Variants in VWDE observed in about 807,000 individuals in gnomAD.
VWDE encodes von Willebrand factor D and EGF domain-containing protein.
VWDE carries 207 observed loss-of-function variants against 178.4 expected under a neutral mutation model. The observed-to-expected ratio is 1.16, with a 90% confidence interval of 1.04 to 1.30. The LOEUF (loss-of-function observed/expected upper bound fraction) is 1.30. Among genes scored for constraint, VWDE ranks in the 50% most tolerant of loss-of-function variants. VWDE has a pLI of 0.00. For synonymous variants in VWDE, 738 were observed against 651.4 expected (o/e 1.13, Z -2.02); for missense variants, 2,287 against 1,901.3 (o/e 1.20, Z -3.77).
At chr7:12,383,197 C>T (rs1369456019) in intron 4 of VWDE, among the ~76,000 whole-genome samples, 1 of 151,954 alleles carries the variant, frequency 6.6e-6, no homozygotes, top group Non-Finnish European at 1.5e-5. Flanking sequence ...ATATTGTGTT[C>T]GCACACTTCC....
intron 19 of VWDE, among the ~76,000 whole-genome samples, chr7:12,345,784 C>A (rs1416748876): frequency 6.6e-6 from 1 of 152,088 alleles, no homozygotes; most frequent in African/African-American, 2.4e-5. Flanking sequence ...TGTTCAATAT[C>A]TGATATCTGA....
rs1562493146 is a variant in VWDE, at chr7:12,369,619, C to A, written c.2687G>T (p.Gly896Val). The A allele has an allele frequency of 6.4e-7, 1 of 1,551,466 alleles. No individual in the cohort carries two copies. The highest frequency in any genetic ancestry group is 8.7e-7 in the Non-Finnish European group (1 of 1,146,810). ...CCCCCATTCCATGCACTGCCCATTG[C>A]CGCTGCATAAATTGGGGCATTTTAA... ...SVLKCPNLCS[G>V]NGQCMEWGCA... The change falls in exon 12 of 29, where the codon GGC (glycine) becomes GTC (valine). Residue 896 changes from glycine (G) to valine (V), a missense_variant. Gly to Val is a moderately radical substitution (Grantham distance 109). Coordinates refer to ENST00000275358, the MANE Select transcript of VWDE (RefSeq NM_001135924.3).
At chr7:12,401,013 T>G (rs1784869512) in intron 1 of VWDE, among the ~76,000 whole-genome samples, 1 of 152,234 alleles carries the variant, frequency 6.6e-6, no homozygotes, top group African/African-American at 2.4e-5. Flanking sequence ...TCCAACACCT[T>G]TTCATGATAA....
chr7:12,343,354 CACTT>C (rs1156687213), intron 21 of VWDE, among the ~76,000 whole-genome samples, 176 bp from the exon 22 acceptor site: 1 of 152,162 alleles, frequency 6.6e-6, no homozygotes, highest in Non-Finnish European at 1.5e-5. Flanking sequence ...ACACTGGAAA[CACTT>C]ACAAATCAAC....
At position 12,355,564 on chromosome 7, in the gene VWDE, C is replaced by T. The variant is rs192980865; in HGVS notation, c.3745+547G>A. ...TTAATATTTACATCTATTAAATGTACAGAAAATATTCATATGAGTTTTTAA... is the reference window on the plus strand; with the variant it reads ...TTAATATTTACATCTATTAAATGTATAGAAAATATTCATATGAGTTTTTAA... On this transcript the variant is annotated intron_variant, in intron 18 of 28. Transcript: ENST00000275358. 5.8e-3 allele frequency among the ~76,000 whole-genome samples: 887 copies of T among 152,108 alleles called. 3 individuals are homozygous for T. Among genetic ancestry groups the T allele is most frequent in the Non-Finnish European group, 9.1e-3 (622 of 67,996 alleles).
chr7:12,334,399 A>C (rs10228123), intron 27 of VWDE, among the ~76,000 whole-genome samples: 42,629 of 152,014 alleles, frequency 0.28, 7,956 homozygotes, highest in African/African-American at 0.54. Flanking sequence ...CACATACTTG[A>C]AGCTTACACA....
chr7:12,382,230 G>C lies in VWDE; in HGVS notation c.541+1306C>G, dbSNP rs144871921. ...AATGTTCTAAAGAGCATAATAAGTA[G>C]GTGAAATTTATTATTTATTCAAGAG... On this transcript the variant is annotated intron_variant, in intron 4 of 28. Coordinates refer to ENST00000275358, the MANE Select transcript of VWDE (RefSeq NM_001135924.3). Among the ~76,000 whole-genome samples the C allele has an allele frequency of 2.3e-3, 349 of 151,430 alleles. 10 individuals carry two copies. In the East Asian group the frequency reaches 0.054, roughly 23 times the overall value.
rs1174074873 is a variant in VWDE, at chr7:12,357,289, A to C, written c.3501T>G (p.Asp1167Glu). ...QITVRLNDDCDAETRVTIEVT... is the reference protein window; with the variant it reads ...QITVRLNDDCEAETRVTIEVT... ...CCTCAATCGTGACTCTAGTTTCAGCATCGCAGTCATCATTAAGGCGTACAG... is the reference window on the plus strand; with the variant it reads ...CCTCAATCGTGACTCTAGTTTCAGCCTCGCAGTCATCATTAAGGCGTACAG... Residue 1167 changes from aspartate (D) to glutamate (E), a missense_variant, in exon 17 of 29, where the codon GAT becomes GAG. Transcript: ENST00000275358. 6.4e-7 allele frequency: 1 copy of C among 1,552,208 alleles called. No individual in the cohort carries two copies. Among genetic ancestry groups the C allele is most frequent in the Non-Finnish European group, 8.7e-7 (1 of 1,147,136 alleles).
chr7:12,367,596 T>TTTTAGGTATAC, intron 12 of VWDE, 103 bp from the exon 13 acceptor site: 1 of 989,970 alleles, frequency 1.0e-6, no homozygotes, highest in Non-Finnish European at 1.4e-6. Flanking sequence ...GAAAATAATA[T>TTTTAGGTATAC]TTTAAAGTAT....
At chr7:12,388,921 C>G (rs890655402) in intron 3 of VWDE, 1 of 703,400 alleles carries the variant, frequency 1.4e-6, no homozygotes, top group African/African-American at 1.8e-5. Context: ...TTGATGCTTT[C>G]ACGTGTGGGG....
intron 24 of VWDE, among the ~76,000 whole-genome samples, chr7:12,339,975 C>T (rs73292390): frequency 0.016 from 2,371 of 152,128 alleles, 54 homozygotes; most frequent in African/African-American, 0.054. Flanking sequence ...AGTAGATTGA[C>T]CATAAATCAA....
At chr7:12,387,915 A>G (rs972374987) in intron 3 of VWDE, among the ~76,000 whole-genome samples, 1 of 152,176 alleles carries the variant, frequency 6.6e-6, no homozygotes, top group Non-Finnish European at 1.5e-5. Flanking sequence ...GAGAATTTGC[A>G]CTTATCAATC....
At chr7:12,344,932 C>A (rs1002873377) in intron 19 of VWDE, among the ~76,000 whole-genome samples, 1 of 151,856 alleles carries the variant, frequency 6.6e-6, no homozygotes, top group Non-Finnish European at 1.5e-5. Context: ...AGAATACAGA[C>A]CACAATGTTA....
At chr7:12,390,593 T>C (rs995094968) in intron 2 of VWDE, among the ~76,000 whole-genome samples, 8 of 151,620 alleles carry the variant, frequency 5.3e-5, no homozygotes, top group Middle Eastern at 3.5e-3. Context: ...TATATGTAAA[T>C]AGTACTATAT....
intron 7 of VWDE, among the ~76,000 whole-genome samples, chr7:12,376,332 A>C (rs1018429688): frequency 6.6e-6 from 1 of 152,112 alleles, no homozygotes; most frequent in Non-Finnish European, 1.5e-5. Flanking sequence ...GTAAAGATTT[A>C]ATGCTACTGT....
At chr7:12,394,583 A>G (rs994455368) in intron 1 of VWDE, among the ~76,000 whole-genome samples, 1 of 152,172 alleles carries the variant, frequency 6.6e-6, no homozygotes, top group African/African-American at 2.4e-5. Context: ...TGAAACAGTT[A>G]TCCTAAAATG....
intron 19 of VWDE, among the ~76,000 whole-genome samples, chr7:12,346,456 G>C (rs1031572994): frequency 6.6e-6 from 1 of 152,034 alleles, no homozygotes; most frequent in African/African-American, 2.4e-5. Flanking sequence ...GGAACTAAAT[G>C]TATAAGCAAA....
rs1186209063 is a variant in VWDE at position 12,356,206 on chromosome 7, A to C, written c.3650T>G (p.Val1217Gly). 6.4e-7 allele frequency: 1 copy of C among 1,551,454 alleles called. No individual in the cohort carries two copies. The highest frequency in any genetic ancestry group is 8.7e-7 in the Non-Finnish European group (1 of 1,146,964). The change falls in exon 18 of 29, where the codon GTG becomes GGG. Residue 1217 changes from valine to glycine, a missense_variant. Val to Gly is a moderately radical substitution (Grantham distance 109, BLOSUM62 -3). Transcript: ENST00000275358. ...LPGFHGSLCE[V>G]DISGCQSNPC... is the part of the protein sequence containing the mutation. ...GTTGGATTGGCACCCACTAATGTCC[A>C]CTTCACAAAGGCTGCCATGGAAGCC...
rs143753764 is a variant in VWDE, at chr7:12,369,899, C to A, written c.2407G>T (p.Glu803Ter). Residue 803 changes from glutamate (E) to a stop codon, truncating the protein, a stop_gained, in exon 12 of 29, where the codon GAG (glutamate) becomes TAG (stop). Coordinates refer to ENST00000275358, the MANE Select transcript of VWDE (RefSeq NM_001135924.3). LOFTEE classifies it high-confidence loss of function. ...TGACAGAGGGTCAAGGTGCTATACT[C>A]GGTGAGGCCAGAGGGAGTGGGCCAA... is the stretch of plus-strand genomic sequence containing the variant. ...PSWPTPSGLTEYSTLTLCQET... is the reference protein window; with the variant it reads ...PSWPTPSGLT The A allele has an allele frequency of 1.2e-5, 19 of 1,551,426 alleles. No individual in the cohort carries two copies. Among genetic ancestry groups the A allele is most frequent in the Non-Finnish European group, 1.4e-5 (16 of 1,146,876 alleles).
Sources: allele counts gnomAD v4.1 joint callset (sites outside exome capture counted in the v4.1 genomes callset), GRCh38; gene constraint gnomAD v4.1.1; transcripts MANE v1.5; gene names NCBI Gene and HGNC (gene_info 2026-07-23, HGNC 2026-07-21).